BANK1: variants seen among roughly 807,000 people sequenced by gnomAD.
BANK1 encodes B cell scaffold protein with ankyrin repeats 1, also known as B-cell scaffold protein with ankyrin repeats.
In BANK1, 95 loss-of-function variants were observed where a neutral mutation model predicts 94.5. That is an observed-to-expected ratio of 1.00 (90% confidence interval 0.85 to 1.19). The LOEUF (loss-of-function observed/expected upper bound fraction) is 1.19, where lower values mean the gene tolerates loss of function less well. Ranked by LOEUF, BANK1 falls within the 50% of genes most tolerant of loss-of-function variation. The probability of loss-of-function intolerance (pLI) is 0.00; values close to 1 mark genes in which losing one functional copy is unlikely to be tolerated. For missense variants in BANK1, 987 were observed against 932.2 expected (o/e 1.06, Z -0.77); for synonymous variants, 334 against 308.4 (o/e 1.08, Z -0.87).
At position 101,829,909 on chromosome 4, in the gene BANK1, C is replaced by T. The variant is rs1323296157; in HGVS notation, c.172C>T (p.Leu58=). 1.2e-6 allele frequency: 2 copies of T among 1,613,730 alleles called. No individual in the cohort carries two copies. The highest frequency in any genetic ancestry group is 3.3e-5 in the Admixed American group (2 of 59,972). ...FLHVVKREAI[L]LYRLENFSFR... is the part of the protein sequence containing the mutation. ...ACATGTTGTGAAAAGGGAAGCCATCCTGTTATATCGCTTGGAGAATTTCTC... is the reference window on the plus strand; with the variant it reads ...ACATGTTGTGAAAAGGGAAGCCATCTTGTTATATCGCTTGGAGAATTTCTC... Residue 58 remains leucine (L), a synonymous_variant, in exon 2 of 17, where the codon CTG becomes TTG. Coordinates refer to ENST00000322953, the MANE Select transcript of BANK1 (RefSeq NM_017935.5).
intron 7 of BANK1, among the ~76,000 whole-genome samples, chr4:101,949,845 C>T (rs1038967384): frequency 2.0e-5 from 3 of 152,064 alleles, no homozygotes; most frequent in Admixed American, 2.0e-4. Context: ...ATTTCTTTAT[C>T]AATAAGTACA....
chr4:101,875,051 A>G (rs1175746123), intron 5 of BANK1, among the ~76,000 whole-genome samples: 3 of 152,210 alleles, frequency 2.0e-5, no homozygotes, highest in Admixed American at 6.5e-5. Flanking sequence ...TCAACTGTCT[A>G]TATAAGAAAA....
chr4:101,799,385 T>C (rs1725272543), intron 1 of BANK1, among the ~76,000 whole-genome samples: 1 of 152,184 alleles, frequency 6.6e-6, no homozygotes, highest in Non-Finnish European at 1.5e-5. Flanking sequence ...TAGTTTGAAG[T>C]CAGGTAGCAT....
intron 6 of BANK1, among the ~76,000 whole-genome samples, chr4:101,909,167 A>T (rs1722569965): frequency 1.3e-5 from 2 of 152,222 alleles, no homozygotes; most frequent in African/African-American, 4.8e-5. Flanking sequence ...GATAGGCTGG[A>T]TTAAGAAAAT....
In BANK1 at chr4:101,993,966, CCATA is replaced by C. The variant is rs150891593; in HGVS notation, c.1207-27545_1207-27542del. ...TATTGTTGTCTTTGTCTACATGGTGCCATACAGTCAGAGGCCTAGGCCCTGACCC... is the reference window on the plus strand; with the variant it reads ...TATTGTTGTCTTTGTCTACATGGTGCCAGTCAGAGGCCTAGGCCCTGACCC... On this transcript the variant is annotated intron_variant, in intron 7 of 16. Transcript: ENST00000322953. 8.9e-4 allele frequency among the ~76,000 whole-genome samples: 135 copies of C among 152,326 alleles called. 1 individual carries two copies. Among genetic ancestry groups the C allele is most frequent in the African/African-American group, 3.1e-3 (128 of 41,576 alleles).
intron 7 of BANK1, among the ~76,000 whole-genome samples, chr4:101,919,460 A>G (rs1722930381): frequency 6.6e-6 from 1 of 151,992 alleles, no homozygotes; most frequent in South Asian, 2.1e-4. Flanking sequence ...AGTAGATATG[A>G]AAGTAAGTAC....
chr4:102,035,450 C>G (rs2148952801), intron 10 of BANK1, among the ~76,000 whole-genome samples: 1 of 152,056 alleles, frequency 6.6e-6, no homozygotes, highest in South Asian at 2.1e-4. Context: ...AGAGTGAGAC[C>G]ATCCTGGCTA....
chr4:102,000,654 T>G (rs1009811614), intron 7 of BANK1, among the ~76,000 whole-genome samples: 1 of 152,172 alleles, frequency 6.6e-6, no homozygotes. Context: ...TGTGTTGCAA[T>G]AATTCAGGTA....
At chr4:101,987,047 A>G (rs1225962388) in intron 7 of BANK1, among the ~76,000 whole-genome samples, 3 of 150,538 alleles carry the variant, frequency 2.0e-5, no homozygotes, top group Admixed American at 6.7e-5. Context: ...GTGATCTACC[A>G]GAAGTTGCCC....
chr4:101,805,446 A>G (rs909714849), intron 1 of BANK1, among the ~76,000 whole-genome samples: 22 of 152,098 alleles, frequency 1.4e-4, no homozygotes, highest in African/African-American at 5.3e-4. Context: ...ATGTTAATAG[A>G]TGCTGGCTGA....
chr4:102,034,565 G>A (rs979598174), intron 10 of BANK1, among the ~76,000 whole-genome samples: 23 of 152,072 alleles, frequency 1.5e-4, no homozygotes, highest in Admixed American at 1.5e-3. Flanking sequence ...TTGGATTCTG[G>A]TGGAATCAGA....
At chr4:101,954,060 C>T (rs929965141) in intron 7 of BANK1, among the ~76,000 whole-genome samples, 4 of 152,186 alleles carry the variant, frequency 2.6e-5, no homozygotes, top group South Asian at 2.1e-4. Flanking sequence ...TCCTAGCTTC[C>T]GGTGGTTGCC....
intron 7 of BANK1, among the ~76,000 whole-genome samples, chr4:101,985,916 A>C (rs934655722): frequency 6.6e-6 from 1 of 152,148 alleles, no homozygotes; most frequent in Non-Finnish European, 1.5e-5. Context: ...GAGAATCCTT[A>C]GTAAGCTAAG....
At chr4:101,889,576 G>A (rs1721771076) in intron 5 of BANK1, among the ~76,000 whole-genome samples, 1 of 125,888 alleles carries the variant, frequency 7.9e-6, no homozygotes, top group Admixed American at 1.0e-4. Flanking sequence ...CCGCAGTCCG[G>A]CCTGGGCGAC....
chr4:101,959,364 T>G (rs1724487853), intron 7 of BANK1, among the ~76,000 whole-genome samples: 1 of 152,050 alleles, frequency 6.6e-6, no homozygotes. Context: ...GGTCTCAAAC[T>G]CCTGATCTTG....
At chr4:101,818,485 T>C (rs1475049975) in intron 1 of BANK1, among the ~76,000 whole-genome samples, 1 of 152,110 alleles carries the variant, frequency 6.6e-6, no homozygotes, top group Non-Finnish European at 1.5e-5. Context: ...TATCTTCATC[T>C]CCCAAGTCTT....
Position 102,051,415 on chromosome 4 carries a change from C to A in BANK1, c.1969+7508C>A, listed in dbSNP as rs149395037. On this transcript the variant is annotated intron_variant, in intron 11 of 16. Coordinates refer to ENST00000322953, the MANE Select transcript of BANK1 (RefSeq NM_017935.5). ...ATAGCTCAGTTTTTGTCTAAGATAG[C>A]AATATGTTCGCAACCCACAGTGTTG... Among the ~76,000 whole-genome samples, 1,193 of 152,158 alleles carry A rather than the reference C, an allele frequency of 7.8e-3. 18 individuals are homozygous for A. The highest frequency in any genetic ancestry group is 0.027 in the African/African-American group (1,134 of 41,484).
chr4:101,812,030 A>T (rs1237937871), intron 1 of BANK1, among the ~76,000 whole-genome samples: 1 of 152,030 alleles, frequency 6.6e-6, no homozygotes, highest in African/African-American at 2.4e-5. Flanking sequence ...TTAAGTGATT[A>T]GAGAATTAAT....
At chr4:101,934,063 C>T (rs1723448130) in intron 7 of BANK1, among the ~76,000 whole-genome samples, 1 of 151,336 alleles carries the variant, frequency 6.6e-6, no homozygotes. Flanking sequence ...CACTAGCAAG[C>T]TTCACAGGGT....
Sources: gnomAD v4.1 joint callset for allele counts (sites outside exome capture counted in the v4.1 genomes callset) on GRCh38, gnomAD v4.1.1 for gene constraint, MANE v1.5 for transcripts, NCBI Gene and HGNC (gene_info 2026-07-23, HGNC 2026-07-21) for gene names.